The following ASXL3 variants were observed in gnomAD, a reference collection of about 807,000 sequenced individuals.
ASXL3 encodes putative Polycomb group protein ASXL3.
ASXL3 carries 34 observed loss-of-function variants against 170.6 expected under a neutral mutation model. The ratio of observed to expected loss-of-function variants is 0.20; its 90% CI spans 0.15 to 0.27. The LOEUF is 0.27. ASXL3 is among the 10% of genes least tolerant of loss of function. The probability of loss-of-function intolerance (pLI) is 1.00; values close to 1 mark genes in which losing one functional copy is unlikely to be tolerated. For synonymous variants in ASXL3, 1,002 were observed against 989.1 expected, an observed-to-expected ratio of 1.01 and a Z score of -0.24; for missense variants, 2,592 against 2,695.3, an observed-to-expected ratio of 0.96 and a Z score of 0.85.
At position 33,740,253 on chromosome 18, in the gene ASXL3, A is replaced by G. The variant is rs781601671; in HGVS notation, c.2849A>G (p.Asp950Gly). The G allele has an allele frequency of 6.2e-7, 1 of 1,613,598 alleles. No individual in the cohort carries two copies. The highest frequency in any genetic ancestry group is 8.5e-7 in the Non-Finnish European group (1 of 1,179,742). ...SKSSEPSKSPDGIRNESRDSE... is the reference protein window; with the variant it reads ...SKSSEPSKSPGGIRNESRDSE... The stretch of plus-strand genomic sequence containing the variant: ...TCATCAGAGCCCTCCAAGTCACCTG[A>G]TGGGATAAGAAATGAAAGTAGAGAT... The change falls in exon 11 of 12, where the codon GAT (aspartate) becomes GGT (glycine). Residue 950 changes from aspartate to glycine, a missense_variant. Physicochemically the swap from Asp to Gly is moderately conservative, Grantham distance 94. This residue lies in a region of ASXL3 where 2,246 missense variants were observed against 2,219.6 expected (regional missense o/e 1.01). Transcript: ENST00000269197.
intron 8 of ASXL3, among the ~76,000 whole-genome samples, chr18:33,709,718 G>T (rs1181602421): frequency 2.0e-5 from 3 of 152,168 alleles, no homozygotes; most frequent in African/African-American, 4.8e-5. Flanking sequence ...TTCGAGCCAT[G>T]CTTATGATTC....
At chr18:33,675,959 C>T (rs1242429025) in intron 7 of ASXL3, among the ~76,000 whole-genome samples, 4 of 151,934 alleles carry the variant, frequency 2.6e-5, no homozygotes, top group Non-Finnish European at 5.9e-5. Flanking sequence ...GGTGCAGTGG[C>T]TCACACCTGT....
intron 1 of ASXL3, among the ~76,000 whole-genome samples, chr18:33,602,848 T>A (rs2065199013): frequency 6.6e-6 from 1 of 150,422 alleles, no homozygotes; most frequent in Non-Finnish European, 1.5e-5. Flanking sequence ...TGAAATAAAA[T>A]ATGTTGTATA....
chr18:33,613,508 G>A (rs2065371089), intron 2 of ASXL3, among the ~76,000 whole-genome samples: 1 of 152,062 alleles, frequency 6.6e-6, no homozygotes, highest in Non-Finnish European at 1.5e-5. Context: ...TTGCAAAAAA[G>A]GGAGTCACAC....
chr18:33,644,136 G>T (rs758412522), intron 2 of ASXL3, among the ~76,000 whole-genome samples: 1 of 151,760 alleles, frequency 6.6e-6, no homozygotes, highest in East Asian at 1.9e-4. Context: ...TTATACATAT[G>T]TACTTTGATA....
chr18:33,656,968 A>T (rs992702495), intron 4 of ASXL3, among the ~76,000 whole-genome samples: 11 of 152,158 alleles, frequency 7.2e-5, no homozygotes, highest in African/African-American at 2.4e-4. Context: ...TTTGATTTTT[A>T]AAAAATTCAA....
intron 5 of ASXL3, among the ~76,000 whole-genome samples, chr18:33,669,448 CT>C (rs1328466598): frequency 2.0e-5 from 3 of 152,118 alleles, no homozygotes; most frequent in African/African-American, 7.2e-5. Flanking sequence ...TTTCCCAAGC[CT>C]TTACTTTCTC....
rs2067848477 is a variant in ASXL3, at chr18:33,749,344, G to A, written c.*2749G>A. On this transcript the variant is annotated 3_prime_UTR_variant, in exon 12 of 12. Transcript: ENST00000269197. ...GTATATTATTTACTACATGGTTATT[G>A]TGGTGTAGTGTGCAAATGTTAGCAT... The A allele has an allele frequency of 6.6e-6, 1 of 151,946 alleles. No individual in the cohort carries two copies. Among genetic ancestry groups the A allele is most frequent in the Non-Finnish European group, 1.5e-5 (1 of 68,006 alleles). 9.4% of individuals were successfully genotyped at this position (151,946 alleles called of 1,614,324 possible). A position where few individuals can be genotyped will look rare whatever the true frequency, so the allele number is the denominator to read the frequency against.
At chr18:33,583,230 T>C (rs1226442042) in intron 1 of ASXL3, among the ~76,000 whole-genome samples, 1 of 152,196 alleles carries the variant, frequency 6.6e-6, no homozygotes, top group East Asian at 1.9e-4. Flanking sequence ...AATGGTACTT[T>C]GATTTCAGGT....
At position 33,746,406 on chromosome 18, in the gene ASXL3, A is replaced by G. The variant is rs1405833960; in HGVS notation, c.6558A>G (p.Thr2186=). Residue 2186 remains threonine (T), a synonymous_variant, in exon 12 of 12, where the codon ACA becomes ACG. Coordinates refer to ENST00000269197, the MANE Select transcript of ASXL3 (RefSeq NM_030632.3). ...GILGSGSNPA[T]GLSGQNAQMP... is the part of the protein sequence containing the mutation. Reference sequence around the variant, plus strand: ...TGGGAAGTGGCTCCAATCCTGCCACAGGCTTGTCTGGTCAGAACGCTCAGA... The same window carrying G: ...TGGGAAGTGGCTCCAATCCTGCCACGGGCTTGTCTGGTCAGAACGCTCAGA... The G allele has an allele frequency of 6.2e-7, 1 of 1,613,904 alleles. No homozygotes were observed. The highest frequency in any genetic ancestry group is 1.1e-5 in the South Asian group (1 of 91,082).
At chr18:33,602,863 T>G (rs949191386) in intron 1 of ASXL3, among the ~76,000 whole-genome samples, 11 of 152,090 alleles carry the variant, frequency 7.2e-5, no homozygotes, top group African/African-American at 1.4e-4. Flanking sequence ...TGTATAAAAG[T>G]CATCTGTAAT....
At chr18:33,642,400 A>G (rs886666924) in intron 2 of ASXL3, among the ~76,000 whole-genome samples, 12 of 152,062 alleles carry the variant, frequency 7.9e-5, no homozygotes, top group Non-Finnish European at 1.6e-4. Flanking sequence ...TTTTAAAAAA[A>G]CGGACCAGAA....
intron 2 of ASXL3, among the ~76,000 whole-genome samples, chr18:33,630,197 T>C (rs550205239): frequency 1.3e-5 from 2 of 152,134 alleles, no homozygotes; most frequent in South Asian, 2.1e-4. Context: ...CACTGCTCTT[T>C]CTAGTTATAC....
intron 8 of ASXL3, among the ~76,000 whole-genome samples, chr18:33,692,324 A>G (rs1185509638): frequency 2.0e-5 from 3 of 152,192 alleles, no homozygotes; most frequent in South Asian, 4.1e-4. Context: ...ACTGAAGCAT[A>G]GAACAGAGGA....
At chr18:33,589,074 A>C (rs1215781203) in intron 1 of ASXL3, among the ~76,000 whole-genome samples, 1 of 152,148 alleles carries the variant, frequency 6.6e-6, no homozygotes, top group South Asian at 2.1e-4. Context: ...TATATGGGTT[A>C]TGGAGACAGT....
chr18:33,735,621 A>G (rs2145405549), intron 10 of ASXL3, among the ~76,000 whole-genome samples: 1 of 152,282 alleles, frequency 6.6e-6, no homozygotes, highest in East Asian at 1.9e-4. Flanking sequence ...GCTGATGCCC[A>G]GCAGGATTAA....
chr18:33,726,939 T>C (rs2067362074), intron 8 of ASXL3, among the ~76,000 whole-genome samples: 1 of 152,178 alleles, frequency 6.6e-6, no homozygotes, highest in Non-Finnish European at 1.5e-5. Context: ...TGAGGGCCTT[T>C]GCATTTATAT....
At chr18:33,636,871 A>C (rs372703348) in intron 2 of ASXL3, among the ~76,000 whole-genome samples, 1 of 152,144 alleles carries the variant, frequency 6.6e-6, no homozygotes, top group East Asian at 1.9e-4. Flanking sequence ...TGAAATCCTA[A>C]AAGGTCCTAT....
chr18:33,731,775 C>T lies in ASXL3; in HGVS notation c.880-193C>T, dbSNP rs79532446. Among the ~76,000 whole-genome samples the T allele has an allele frequency of 1.8e-4, 28 of 152,180 alleles. No individual in the cohort carries two copies. In the Middle Eastern group the frequency reaches 0.014, roughly 74 times the overall value. ...TCTTTTGTTGGGTCCCTTTCCTCTC[C>T]GCCTCCTACCCTGCACATGCTCTCG... On this transcript the variant is annotated intron_variant, in intron 8 of 11. Coordinates refer to ENST00000269197, the MANE Select transcript of ASXL3 (RefSeq NM_030632.3).
Sources: allele counts gnomAD v4.1 joint callset (sites outside exome capture counted in the v4.1 genomes callset), GRCh38; gene constraint gnomAD v4.1.1; regional missense constraint gnomAD v4.1.1; transcripts MANE v1.5; gene names NCBI Gene and HGNC (gene_info 2026-07-23, HGNC 2026-07-21).